ABCB5: variants seen among roughly 807,000 people sequenced by gnomAD.
The protein encoded by ABCB5 is ATP-binding cassette sub-family B member 5.
In ABCB5, 155 loss-of-function variants were observed where a neutral mutation model predicts 144.2. That is an observed-to-expected ratio of 1.08 (90% confidence interval 0.94 to 1.23). The LOEUF (loss-of-function observed/expected upper bound fraction) is 1.23, where lower values mean the gene tolerates loss of function less well. Among genes scored for constraint, ABCB5 ranks in the 50% most tolerant of loss-of-function variants. The probability of loss-of-function intolerance (pLI) is 0.00; values close to 1 mark genes in which losing one functional copy is unlikely to be tolerated. For missense variants in ABCB5, 1,830 were observed against 1,520.8 expected (o/e 1.20, Z -3.38); for synonymous variants, 610 against 528.6 (o/e 1.15, Z -2.11).
At chr7:20,733,968 T>C (rs891804079) in intron 23 of ABCB5, among the ~76,000 whole-genome samples, 2 of 152,148 alleles carry the variant, frequency 1.3e-5, no homozygotes, top group Non-Finnish European at 2.9e-5. Context: ...CCAGTCAGAA[T>C]ACAGACAGAA....
intron 14 of ABCB5, among the ~76,000 whole-genome samples, chr7:20,675,115 T>A (rs971132675): frequency 1.3e-5 from 2 of 151,842 alleles, no homozygotes; most frequent in African/African-American, 4.8e-5. Context: ...AAAATCCCAA[T>A]GGCATATTTT....
In ABCB5 at chr7:20,671,996, A is replaced by G. The variant is rs150756808; in HGVS notation, c.1708-9509A>G. On this transcript the variant is annotated intron_variant, in intron 14 of 27. Coordinates refer to ENST00000404938, the MANE Select transcript of ABCB5 (RefSeq NM_001163941.2). Reference sequence around the variant, plus strand: ...TCATATGGTCATTTATTTTAATTTCAGCCATCTGAAGAAATGTATAGTAGT... The same window carrying G: ...TCATATGGTCATTTATTTTAATTTCGGCCATCTGAAGAAATGTATAGTAGT... Among the ~76,000 whole-genome samples the G allele has an allele frequency of 1.6e-3, 244 of 152,342 alleles. 1 individual carries two copies. The highest frequency in any genetic ancestry group is 2.6e-3 in the Non-Finnish European group (176 of 68,032).
At chr7:20,681,979 G>T (rs1298400526) in intron 15 of ABCB5, among the ~76,000 whole-genome samples, 1 of 152,070 alleles carries the variant, frequency 6.6e-6, no homozygotes, top group African/African-American at 2.4e-5. Context: ...GGTCGAGGCG[G>T]GCGGATCATG....
intron 3 of ABCB5, 136 bp downstream of exon 3, chr7:20,626,747 G>A: frequency 2.8e-6 from 2 of 725,932 alleles, no homozygotes; most frequent in South Asian, 3.2e-5. Flanking sequence ...ATTAAAGTAT[G>A]ATTTTCGATA....
At chr7:20,731,935 C>A (rs1361551552) in intron 23 of ABCB5, among the ~76,000 whole-genome samples, 1 of 152,222 alleles carries the variant, frequency 6.6e-6, no homozygotes, top group Non-Finnish European at 1.5e-5. Context: ...ATTCTCCACA[C>A]TGCAGCCAGA....
chr7:20,687,595 G>A (rs1033869692), intron 16 of ABCB5, among the ~76,000 whole-genome samples: 1 of 152,156 alleles, frequency 6.6e-6, no homozygotes, highest in Non-Finnish European at 1.5e-5. Context: ...TGGGGAAGCA[G>A]GAAACAGAGA....
rs766784945 is a variant in ABCB5, at chr7:20,645,838, G to A, written c.761G>A (p.Arg254Gln). 36 of 1,613,692 alleles carry A rather than the reference G, an allele frequency of 2.2e-5. No homozygotes were observed. The highest frequency in any genetic ancestry group is 4.0e-5 in the African/African-American group (3 of 74,898). Residue 254 changes from arginine (R) to glutamine (Q), a missense_variant, in exon 8 of 28, where the codon CGA becomes CAA. By Grantham distance (43) the Arg-to-Gln change is conservative. Coordinates refer to ENST00000404938, the MANE Select transcript of ABCB5 (RefSeq NM_001163941.2). ...GCAGAAGAAGTCTTGTCATCAATCC[G>A]AACAGTCATAGCCTTTAGGGCCCAG... The part of the protein sequence containing the change: ...AVAEEVLSSI[R>Q]TVIAFRAQEK...
chr7:20,742,658 C>T (rs1266943848), intron 24 of ABCB5, among the ~76,000 whole-genome samples: 1 of 152,122 alleles, frequency 6.6e-6, no homozygotes, highest in Admixed American at 6.5e-5. Context: ...TCAGTGAAGT[C>T]AGTAGTGAAG....
At chr7:20,697,948 A>G (rs901477676) in intron 16 of ABCB5, among the ~76,000 whole-genome samples, 1 of 152,226 alleles carries the variant, frequency 6.6e-6, no homozygotes, top group Non-Finnish European at 1.5e-5. Flanking sequence ...GTTTTTGTAA[A>G]TACATCTTGA....
intron 14 of ABCB5, among the ~76,000 whole-genome samples, chr7:20,679,485 A>AAAAAAAAAAAG (rs1396302002): frequency 3.3e-4 from 49 of 147,502 alleles, no homozygotes; most frequent in African/African-American, 1.3e-3. Flanking sequence ...AAAAAAAAAA[A>AAAAAAAAAAAG]AGAGAGAGAG....
intron 16 of ABCB5, among the ~76,000 whole-genome samples, chr7:20,695,452 T>C (rs979533663): frequency 4.0e-5 from 6 of 151,540 alleles, no homozygotes; most frequent in Non-Finnish European, 7.4e-5. Context: ...AAACCTAAAA[T>C]AATAAAACTT....
chr7:20,726,591 T>C (rs1435412619), intron 21 of ABCB5, among the ~76,000 whole-genome samples: 1 of 152,144 alleles, frequency 6.6e-6, no homozygotes, highest in Admixed American at 6.5e-5. Context: ...GGTTTCGAAC[T>C]CCTGGCCTCA....
chr7:20,622,046 A>C (rs1308334524), intron 1 of ABCB5, among the ~76,000 whole-genome samples: 1 of 152,142 alleles, frequency 6.6e-6, no homozygotes, highest in African/African-American at 2.4e-5. Flanking sequence ...TGTTCTAATC[A>C]GTTACAGCAT....
chr7:20,726,356 A>ATTTTT (rs1562581420), intron 21 of ABCB5, among the ~76,000 whole-genome samples: 12 of 65,770 alleles, frequency 1.8e-4, no homozygotes, highest in East Asian at 1.0e-3. Flanking sequence ...TATCTCTGCT[A>ATTTTT]TCTTTTTTTT....
intron 16 of ABCB5, among the ~76,000 whole-genome samples, chr7:20,690,076 C>G (rs186376599): frequency 6.6e-6 from 1 of 152,232 alleles, no homozygotes; most frequent in African/African-American, 2.4e-5. Flanking sequence ...GGTTCATGAC[C>G]TATAGGGAAT....
At chr7:20,657,578 A>T (rs1784849901) in intron 13 of ABCB5, among the ~76,000 whole-genome samples, 1 of 152,228 alleles carries the variant, frequency 6.6e-6, no homozygotes, top group Non-Finnish European at 1.5e-5. Context: ...ATTCATGTAT[A>T]GTGATAAAAA....
rs376372685 is a variant in ABCB5 at position 20,626,579 on chromosome 7, C to G, written c.76C>G (p.Leu26Val). 6.2e-7 allele frequency: 1 copy of G among 1,608,066 alleles called. No individual in the cohort carries two copies. The highest frequency in any genetic ancestry group is 1.3e-5 in the African/African-American group (1 of 74,796). The change falls in exon 3 of 28, where the codon CTG (leucine) becomes GTG (valine). Residue 26 changes from leucine to valine, a missense_variant. Transcript: ENST00000404938. The stretch of plus-strand genomic sequence containing the variant: ...CAGAACTGCAGAAGAACAGCCAAAA[C>G]TGAGAAAGGAAGCAGTTGGATCTAT... ...RNGTAEEQPKLRKEAVGSIEI... is the reference protein window; with the variant it reads ...RNGTAEEQPKVRKEAVGSIEI...
At chr7:20,696,129 T>A (rs1786407894) in intron 16 of ABCB5, among the ~76,000 whole-genome samples, 2 of 152,112 alleles carry the variant, frequency 1.3e-5, no homozygotes, top group Middle Eastern at 3.2e-3. Context: ...TTCATAGCAG[T>A]TTTATGTGTA....
At chr7:20,708,663 A>G (rs1169652744) in intron 20 of ABCB5, among the ~76,000 whole-genome samples, 1 of 152,194 alleles carries the variant, frequency 6.6e-6, no homozygotes, top group Non-Finnish European at 1.5e-5. Context: ...GAGCAAATGA[A>G]CTTAACCATT....
Sources: allele counts gnomAD v4.1 joint callset (sites outside exome capture counted in the v4.1 genomes callset), GRCh38; gene constraint gnomAD v4.1.1; transcripts MANE v1.5; gene names NCBI Gene and HGNC (gene_info 2026-07-23, HGNC 2026-07-21).